The following NEGR1 variants were observed in gnomAD, a reference collection of about 807,000 sequenced individuals.
NEGR1 encodes neuronal growth regulator 1.
Under a neutral mutation model 40.9 loss-of-function variants are expected in NEGR1, and 10 were observed. The observed-to-expected ratio is 0.24, with a 90% CI of 0.15 to 0.42. NEGR1 has a LOEUF of 0.42. Among genes scored for constraint, NEGR1 ranks in the 10% least tolerant of loss-of-function variants. The pLI, the probability that NEGR1 is intolerant of heterozygous loss-of-function variation, is 1.00. For synonymous variants in NEGR1, 185 were observed against 166.8 expected, an observed-to-expected ratio of 1.11 and a Z score of -0.84; for missense variants, 352 against 438.9, an observed-to-expected ratio of 0.80 and a Z score of 1.77.
intron 1 of NEGR1, among the ~76,000 whole-genome samples, chr1:72,030,832 T>A (rs769832511): frequency 1.6e-4 from 25 of 152,272 alleles, no homozygotes; most frequent in Non-Finnish European, 2.2e-4. Context: ...TACAAAAATA[T>A]TGGCTGAGAA....
chr1:71,647,293 C>T (rs34852651), intron 4 of NEGR1, among the ~76,000 whole-genome samples: 8,883 of 151,866 alleles, frequency 0.058, 348 homozygotes, highest in Non-Finnish European at 0.087. Flanking sequence ...AGAAAGTAAT[C>T]ATTTTTTTCC....
At chr1:71,786,535 T>C (rs1276517678) in intron 2 of NEGR1, among the ~76,000 whole-genome samples, 1 of 152,194 alleles carries the variant, frequency 6.6e-6, no homozygotes, top group African/African-American at 2.4e-5. Flanking sequence ...CAGCAAGGGT[T>C]AGTATTTGTT....
chr1:71,844,322 T>C (rs1415877262), intron 2 of NEGR1, among the ~76,000 whole-genome samples: 2 of 152,168 alleles, frequency 1.3e-5, no homozygotes, highest in Non-Finnish European at 2.9e-5. Flanking sequence ...AATCACACCA[T>C]AGTGTCCAAA....
chr1:72,173,507 C>G (rs1652042378), intron 1 of NEGR1, among the ~76,000 whole-genome samples: 1 of 151,664 alleles, frequency 6.6e-6, no homozygotes, highest in Admixed American at 6.6e-5. Context: ...AAGAAAAAGT[C>G]TACAGTAATG....
At chr1:71,821,230 C>T (rs1465854869) in intron 2 of NEGR1, among the ~76,000 whole-genome samples, 2 of 151,982 alleles carry the variant, frequency 1.3e-5, no homozygotes, top group East Asian at 3.9e-4. Context: ...TCCCATTAAT[C>T]CATTACATCA....
chr1:71,768,758 T>C (rs1656216652), intron 3 of NEGR1, among the ~76,000 whole-genome samples: 1 of 152,160 alleles, frequency 6.6e-6, no homozygotes, highest in Admixed American at 6.5e-5. Flanking sequence ...CTCATGTGAA[T>C]TGTAATCCCA....
chr1:71,523,280 T>TATGCAGGAAGATCCTAACATA (rs1553147938), intron 6 of NEGR1, among the ~76,000 whole-genome samples: 2 of 151,818 alleles, frequency 1.3e-5, no homozygotes, highest in African/African-American at 4.8e-5. Flanking sequence ...TTCATTTACA[T>TATGCAGGAAGATCCTAACATA]ATGCAGGAAG....
chr1:71,942,864 C>T (rs997620302), intron 1 of NEGR1, among the ~76,000 whole-genome samples: 5 of 124,296 alleles, frequency 4.0e-5, no homozygotes, highest in Admixed American at 1.7e-4. Flanking sequence ...TACAGTGGAA[C>T]GATCGTAGCT....
intron 4 of NEGR1, among the ~76,000 whole-genome samples, chr1:71,679,006 G>A (rs566752738): frequency 6.6e-6 from 1 of 152,142 alleles, no homozygotes; most frequent in Non-Finnish European, 1.5e-5. Context: ...ACGGTATCAA[G>A]TTTGTGTTTT....
chr1:72,096,796 G>T (rs1817624), intron 1 of NEGR1, among the ~76,000 whole-genome samples: 34,345 of 151,730 alleles, frequency 0.23, 4,352 homozygotes, highest in Non-Finnish European at 0.29. Context: ...GAGTAGCTGG[G>T]ACTGCTGGCG....
At chr1:72,122,682 A>G (rs1649848774) in intron 1 of NEGR1, among the ~76,000 whole-genome samples, 1 of 151,936 alleles carries the variant, frequency 6.6e-6, no homozygotes, top group Non-Finnish European at 1.5e-5. Context: ...CATAAAATGG[A>G]GTGAAACTAT....
chr1:71,750,935 T>C (rs935412682), intron 3 of NEGR1, among the ~76,000 whole-genome samples: 2 of 152,190 alleles, frequency 1.3e-5, no homozygotes, highest in Non-Finnish European at 2.9e-5. Flanking sequence ...ATATATTCCA[T>C]CTATAGAACT....
intron 2 of NEGR1, among the ~76,000 whole-genome samples, chr1:71,846,490 A>G (rs1301557103): frequency 6.6e-6 from 1 of 151,468 alleles, no homozygotes; most frequent in African/African-American, 2.4e-5. Context: ...CTGGGGGAAA[A>G]AATGTGAATA....
At chr1:71,979,462 G>T (rs923217570) in intron 1 of NEGR1, among the ~76,000 whole-genome samples, 1 of 152,130 alleles carries the variant, frequency 6.6e-6, no homozygotes, top group Non-Finnish European at 1.5e-5. Context: ...ATTCCAGATT[G>T]TGGTGAGAAG....
intron 1 of NEGR1, among the ~76,000 whole-genome samples, chr1:72,263,492 TTTCGTCA>T (rs796668255): frequency 1.1e-4 from 16 of 151,778 alleles, no homozygotes; most frequent in African/African-American, 3.6e-4. Flanking sequence ...AAGAGCTCTA[TTTCGTCA>T]TTCTTTGAAA....
intron 1 of NEGR1, among the ~76,000 whole-genome samples, chr1:72,270,557 C>T (rs751916758): frequency 1.6e-4 from 25 of 151,862 alleles, no homozygotes; most frequent in Non-Finnish European, 2.7e-4. Context: ...TGCTAGTCCT[C>T]TTATCAACTA....
intron 4 of NEGR1, among the ~76,000 whole-genome samples, chr1:71,668,690 A>G (rs1296035242): frequency 1.3e-5 from 2 of 152,044 alleles, no homozygotes; most frequent in Admixed American, 1.3e-4. Flanking sequence ...ATGACAACTG[A>G]TATTTCCTGG....
intron 2 of NEGR1, among the ~76,000 whole-genome samples, chr1:71,839,198 CT>C (rs140520810): frequency 0.57 from 45,251 of 79,690 alleles, 12,719 homozygotes; most frequent in Admixed American, 0.63. Flanking sequence ...AGAGACCAGA[CT>C]TTTTTTTTTT....
In NEGR1 at chr1:71,695,412, C is replaced by T. The variant is rs542258647; in HGVS notation, c.667+2596G>A. On this transcript the variant is annotated intron_variant, in intron 4 of 6. Transcript: ENST00000357731. ...AGACAAGTTAATATTATGTCTGCAG[C>T]AATATGTCGACTTATAACTGTACTT... Among the ~76,000 whole-genome samples the T allele has an allele frequency of 1.1e-3, 171 of 151,762 alleles. 1 individual carries two copies. The highest frequency in any genetic ancestry group is 3.9e-3 in the African/African-American group (161 of 41,470).
Sources: allele counts gnomAD v4.1 joint callset (sites outside exome capture counted in the v4.1 genomes callset), GRCh38; gene constraint gnomAD v4.1.1; transcripts MANE v1.5; gene names NCBI Gene and HGNC (gene_info 2026-07-23, HGNC 2026-07-21).